The following TMC5 variants were observed in gnomAD, a reference collection of about 807,000 sequenced individuals.
TMC5 encodes transmembrane channel-like protein 5.
TMC5 carries 86 observed loss-of-function variants against 110.5 expected under a neutral mutation model. The ratio of observed to expected loss-of-function variants is 0.78; its 90% CI spans 0.65 to 0.93. The LOEUF is 0.93. Ranked by LOEUF, TMC5 falls within the 40% of genes least tolerant of loss-of-function variation. The probability of loss-of-function intolerance (pLI) is 0.00; values close to 1 mark genes in which losing one functional copy is unlikely to be tolerated. For synonymous variants in TMC5, 455 were observed against 439.5 expected, an observed-to-expected ratio of 1.04 and a Z score of -0.44; for missense variants, 1,144 against 1,222.8, an observed-to-expected ratio of 0.94 and a Z score of 0.96.
At chr16:19,481,070 A>G (rs1346848811) in intron 14 of TMC5, among the ~76,000 whole-genome samples, 1 of 152,186 alleles carries the variant, frequency 6.6e-6, no homozygotes, top group Non-Finnish European at 1.5e-5. Context: ...AAAGAGGGGT[A>G]TAAGATAATA....
At chr16:19,482,141 C>A (rs1968633449) in intron 15 of TMC5, among the ~76,000 whole-genome samples, 1 of 152,136 alleles carries the variant, frequency 6.6e-6, no homozygotes, top group African/African-American at 2.4e-5. Flanking sequence ...CTCACTGCAA[C>A]CTCCGCCTCC....
At chr16:19,441,400 G>A (rs919057505) in intron 3 of TMC5, among the ~76,000 whole-genome samples, 4 of 151,178 alleles carry the variant, frequency 2.6e-5, no homozygotes, top group African/African-American at 9.7e-5. Flanking sequence ...GCTCACCACA[G>A]CCTCAACCTT....
intron 3 of TMC5, among the ~76,000 whole-genome samples, chr16:19,442,845 G>A: frequency 6.6e-6 from 1 of 152,098 alleles, no homozygotes; most frequent in East Asian, 1.9e-4. Flanking sequence ...CCAAATAGTA[G>A]GGTTAACAGG....
chr16:19,422,297 G>A (rs1406650318), intron 1 of TMC5, among the ~76,000 whole-genome samples: 1 of 151,900 alleles, frequency 6.6e-6, no homozygotes, highest in Non-Finnish European at 1.5e-5. Context: ...TAAAGGGGGG[G>A]AAAAGAGAGA....
At chr16:19,422,605 G>A (rs1967008925) in intron 1 of TMC5, among the ~76,000 whole-genome samples, 1 of 152,136 alleles carries the variant, frequency 6.6e-6, no homozygotes, top group Non-Finnish European at 1.5e-5. Flanking sequence ...GCCAAGGTGG[G>A]AGGATCTCTT....
intron 2 of TMC5, among the ~76,000 whole-genome samples, chr16:19,436,097 AC>A (rs1967338398): frequency 6.6e-6 from 1 of 151,766 alleles, no homozygotes; most frequent in East Asian, 1.9e-4. Flanking sequence ...CCCCCTCTCT[AC>A]TAAAAATGCA....
chr16:19,435,050 G>C (rs1317046864), intron 2 of TMC5, among the ~76,000 whole-genome samples: 2 of 152,008 alleles, frequency 1.3e-5, no homozygotes, highest in East Asian at 3.9e-4. Flanking sequence ...TGTTTTCATT[G>C]GTTCCGATTT....
At chr16:19,480,247 A>G (rs866067701) in intron 14 of TMC5, among the ~76,000 whole-genome samples, 3 of 152,222 alleles carry the variant, frequency 2.0e-5, no homozygotes, top group Middle Eastern at 3.4e-3. Flanking sequence ...TTTATATTAG[A>G]TATCTATCTA....
Position 19,492,206 on chromosome 16 carries a change from T to G in TMC5, c.2804T>G (p.Leu935Arg). ...ITEGRKIMIR[L>R]LHEQIINEGK... The stretch of plus-strand genomic sequence containing the variant: ...GAGGGAAGGAAGATTATGATAAGGC[T>G]GCTCCATGAGCAGATCATTAATGTA... The change falls in exon 19 of 22, where the codon CTG becomes CGG. Residue 935 changes from leucine (L) to arginine (R), a missense_variant. Coordinates refer to ENST00000542583, the MANE Select transcript of TMC5 (RefSeq NM_001261841.2). 6.2e-7 allele frequency: 1 copy of G among 1,613,730 alleles called. No homozygotes were observed. The highest frequency in any genetic ancestry group is 1.1e-5 in the South Asian group (1 of 91,080).
At chr16:19,456,163 C>T (rs1006943331) in intron 5 of TMC5, among the ~76,000 whole-genome samples, 5 of 151,366 alleles carry the variant, frequency 3.3e-5, no homozygotes, top group South Asian at 2.1e-4. Flanking sequence ...GCTGAGATCG[C>T]GCCACTGCAC....
chr16:19,457,969 C>A (rs918274522), intron 5 of TMC5, among the ~76,000 whole-genome samples: 2 of 151,600 alleles, frequency 1.3e-5, no homozygotes, highest in Non-Finnish European at 2.9e-5. Context: ...GGTGATCTGC[C>A]CACCTTGACT....
chr16:19,462,708 T>G (rs1968056607), intron 6 of TMC5: 1 of 513,512 alleles, frequency 1.9e-6, no homozygotes, highest in Admixed American at 3.2e-5. Context: ...AAGACCAGCC[T>G]GGCCAACATG....
intron 5 of TMC5, among the ~76,000 whole-genome samples, chr16:19,451,228 G>C (rs1011339213): frequency 6.6e-6 from 1 of 152,166 alleles, no homozygotes; most frequent in Admixed American, 6.6e-5. Context: ...TGAGCAACAA[G>C]GAATAAAGTA....
In TMC5 at chr16:19,499,099, C is replaced by T. The variant is rs1969127450; in HGVS notation, c.*1133C>T. The T allele has an allele frequency of 6.6e-6, 1 of 151,962 alleles. No homozygotes were observed. Among genetic ancestry groups the T allele is most frequent in the Non-Finnish European group, 1.5e-5 (1 of 67,990 alleles). The allele number at this position is 151,962 out of a possible 1,614,324, so 9.4% of individuals were successfully genotyped here. On this transcript the variant is annotated 3_prime_UTR_variant, in exon 22 of 22. Transcript: ENST00000542583. ...TAAATAAATAAAGTAAATTAAAAGT[C>T]TTATTCAAACCAAATATGAAACTGG...
At chr16:19,489,941 G>A (rs558235504) in intron 17 of TMC5, among the ~76,000 whole-genome samples, 2 of 151,882 alleles carry the variant, frequency 1.3e-5, no homozygotes, top group Admixed American at 1.3e-4. Flanking sequence ...GGCATGTGCT[G>A]CCATGCCCAG....
chr16:19,444,081 G>A lies in TMC5; in HGVS notation c.789G>A (p.Gly263=), dbSNP rs536233546. Residue 263 remains glycine, a splice_region_variant and synonymous_variant, in exon 4 of 22, where the codon GGG becomes GGA. Coordinates refer to ENST00000542583, the MANE Select transcript of TMC5 (RefSeq NM_001261841.2). ...GSSETPKMTR[G]VLSRTSSIQP... ...AGTGATCCATCATTTTGGATTTTAG[G>A]GTGCTCAGCAGAACATCTTCAATCC... 10 of 1,612,910 alleles carry A rather than the reference G, an allele frequency of 6.2e-6. No individual in the cohort carries two copies. The South Asian group carries it at 9.9e-5, about 16-fold the overall frequency.
chr16:19,494,836 C>A (rs140243199), intron 20 of TMC5, among the ~76,000 whole-genome samples: 1 of 152,012 alleles, frequency 6.6e-6, no homozygotes, highest in Non-Finnish European at 1.5e-5. Context: ...TTTTTCAGCA[C>A]TTTTCATGCC....
At chr16:19,436,947 G>A (rs569951644) in intron 2 of TMC5, among the ~76,000 whole-genome samples, 1 of 152,160 alleles carries the variant, frequency 6.6e-6, no homozygotes, top group Non-Finnish European at 1.5e-5. Flanking sequence ...GGGAGGCCGA[G>A]ATCAGATTGC....
chr16:19,490,294 T>C (rs990452318), intron 17 of TMC5, 101 bp from the exon 18 acceptor site: 13 of 1,187,048 alleles, frequency 1.1e-5, no homozygotes, highest in African/African-American at 1.5e-5. Context: ...CAGGCAAGAC[T>C]TGATGTTTTC....
Sources: allele counts gnomAD v4.1 joint callset (sites outside exome capture counted in the v4.1 genomes callset), GRCh38; gene constraint gnomAD v4.1.1; transcripts MANE v1.5; gene names NCBI Gene and HGNC (gene_info 2026-07-23, HGNC 2026-07-21).